Variants in EXT1 observed in about 807,000 individuals in gnomAD.
EXT1 encodes the protein exostosin-1.
A neutral mutation model predicts 82.5 loss-of-function variants in EXT1; 20 were observed. The observed-to-expected ratio is 0.24, with a 90% confidence interval of 0.17 to 0.35. EXT1 has a LOEUF of 0.35. Ranked by LOEUF, EXT1 falls within the 10% of genes least tolerant of loss-of-function variation. The probability of loss-of-function intolerance (pLI) is 1.00; values close to 1 mark genes in which losing one functional copy is unlikely to be tolerated. For synonymous variants in EXT1, 348 were observed against 350.8 expected (o/e 0.99, Z 0.09); for missense variants, 757 against 936.5 (o/e 0.81, Z 2.50).
At chr8:118,008,077 C>G (rs1017217807) in intron 1 of EXT1, among the ~76,000 whole-genome samples, 1 of 152,074 alleles carries the variant, frequency 6.6e-6, no homozygotes, top group Non-Finnish European at 1.5e-5. Flanking sequence ...CACCTCCCAA[C>G]CCCCGACAGG....
At chr8:118,047,155 T>A (rs1816635429) in intron 1 of EXT1, among the ~76,000 whole-genome samples, 2 of 152,046 alleles carry the variant, frequency 1.3e-5, no homozygotes, top group African/African-American at 2.4e-5. Context: ...GCCAACTAAA[T>A]CCAACTCCAG....
chr8:117,946,189 G>A (rs774841940), intron 1 of EXT1, among the ~76,000 whole-genome samples: 3 of 152,130 alleles, frequency 2.0e-5, no homozygotes, highest in Admixed American at 6.6e-5. Flanking sequence ...GTGAGCTACC[G>A]CGCCTGGCCT....
intron 1 of EXT1, among the ~76,000 whole-genome samples, chr8:117,940,944 G>C (rs1814260167): frequency 6.6e-6 from 1 of 152,108 alleles, no homozygotes; most frequent in Non-Finnish European, 1.5e-5. Context: ...GACTGATATG[G>C]GGGTCTCCAT....
In EXT1 at chr8:117,851,290, C is replaced by T. The variant is rs1812447709; in HGVS notation, c.963-14089G>A. ...GATAAAAAGAATAATTCTGAGTGAG[C>T]AGAGAAAGGAAAAGAAAGCTTGAAA... On this transcript the variant is annotated intron_variant, in intron 1 of 10. Transcript: ENST00000378204. Among the ~76,000 whole-genome samples, 8 of 149,920 alleles carry T rather than the reference C, an allele frequency of 5.3e-5. No homozygotes were observed. The Admixed American group carries it at 5.3e-4, about 10-fold the overall frequency.
intron 1 of EXT1, among the ~76,000 whole-genome samples, chr8:117,927,761 G>A (rs1244125390): frequency 6.6e-6 from 1 of 152,174 alleles, no homozygotes; most frequent in Non-Finnish European, 1.5e-5. Flanking sequence ...TGACACTAGA[G>A]CCCTGTCTTC....
intron 1 of EXT1, among the ~76,000 whole-genome samples, chr8:117,895,854 C>T (rs1218809420): frequency 2.0e-5 from 3 of 152,126 alleles, no homozygotes; most frequent in Non-Finnish European, 2.9e-5. Context: ...CTAGTGCCTC[C>T]GTTCGCATCC....
chr8:117,906,382 C>T (rs1813544369), intron 1 of EXT1, among the ~76,000 whole-genome samples: 1 of 152,166 alleles, frequency 6.6e-6, no homozygotes, highest in South Asian at 2.1e-4. Flanking sequence ...AGACTGATGC[C>T]TGTGACAGAC....
At chr8:118,074,610 C>A (rs926285846) in intron 1 of EXT1, among the ~76,000 whole-genome samples, 4 of 149,890 alleles carry the variant, frequency 2.7e-5, no homozygotes, top group Non-Finnish European at 4.4e-5. Flanking sequence ...CGGGTGAGAA[C>A]ATTGAATTGA....
intron 1 of EXT1, among the ~76,000 whole-genome samples, chr8:117,890,913 AATT>A: frequency 6.6e-6 from 1 of 152,280 alleles, no homozygotes; most frequent in Non-Finnish European, 1.5e-5. Flanking sequence ...AATGGAGGGC[AATT>A]ATTTTCTCCT....
intron 1 of EXT1, among the ~76,000 whole-genome samples, chr8:118,074,531 A>AC (rs1817168895): frequency 6.6e-6 from 1 of 150,710 alleles, no homozygotes; most frequent in African/African-American, 2.4e-5. Flanking sequence ...CGCGGCCACC[A>AC]CCTTAGTTGC....
At chr8:117,813,941 G>A (rs867002642) in intron 7 of EXT1, among the ~76,000 whole-genome samples, 3 of 151,958 alleles carry the variant, frequency 2.0e-5, no homozygotes, top group Non-Finnish European at 4.4e-5. Flanking sequence ...GGGAGGCAGA[G>A]GTTACAGTGA....
rs1459832300 is a variant in EXT1, at chr8:117,798,676, G to C, written c.*1036C>G. Reference sequence around the variant, plus strand: ...CTTTGCAGCAATCCTCTTGTTCATTGGTGTGAATTTCTACCTTATTACCCC... The same window carrying C: ...CTTTGCAGCAATCCTCTTGTTCATTCGTGTGAATTTCTACCTTATTACCCC... On this transcript the variant is annotated 3_prime_UTR_variant, in exon 11 of 11. Coordinates refer to ENST00000378204, the MANE Select transcript of EXT1 (RefSeq NM_000127.3). The C allele has an allele frequency of 6.6e-6, 1 of 152,124 alleles. No individual in the cohort carries two copies. 9.4% of individuals were successfully genotyped at this position (152,124 alleles called of 1,614,324 possible).
chr8:117,903,664 T>C (rs1813490886), intron 1 of EXT1, among the ~76,000 whole-genome samples: 1 of 152,228 alleles, frequency 6.6e-6, no homozygotes, highest in African/African-American at 2.4e-5. Flanking sequence ...TTTTCTTCAG[T>C]CTTGCTTGCC....
At chr8:117,965,301 C>A (rs1163342347) in intron 1 of EXT1, among the ~76,000 whole-genome samples, 1 of 152,000 alleles carries the variant, frequency 6.6e-6, no homozygotes, top group Non-Finnish European at 1.5e-5. Context: ...CATCAGTCAG[C>A]AGCAATAGAA....
Position 118,020,815 on chromosome 8 carries a change from TA to T in EXT1, c.962+89269del, listed in dbSNP as rs1311657964. On this transcript the variant is annotated intron_variant, in intron 1 of 10. Coordinates refer to ENST00000378204, the MANE Select transcript of EXT1 (RefSeq NM_000127.3). Reference sequence around the variant, plus strand: ...TCTTTGACCATAGCAACCTTGGCTATAAAACCAAGACAGTAATACCCACCCT... The same window carrying T: ...TCTTTGACCATAGCAACCTTGGCTATAAACCAAGACAGTAATACCCACCCT... Among the ~76,000 whole-genome samples the T allele has an allele frequency of 1.1e-4, 16 of 152,210 alleles. 1 individual carries two copies. The highest frequency in any genetic ancestry group is 1.0e-3 in the Admixed American group (16 of 15,280).
At chr8:117,879,690 C>T (rs979805289) in intron 1 of EXT1, among the ~76,000 whole-genome samples, 1 of 152,180 alleles carries the variant, frequency 6.6e-6, no homozygotes, top group East Asian at 1.9e-4. Context: ...CAAGCAACTA[C>T]AAGAACATGC....
At chr8:118,037,840 T>G (rs1816452257) in intron 1 of EXT1, among the ~76,000 whole-genome samples, 2 of 146,312 alleles carry the variant, frequency 1.4e-5, no homozygotes, top group African/African-American at 5.1e-5. Flanking sequence ...TTTTTTGTTT[T>G]TTTTTTTTTT....
chr8:117,886,503 G>C (rs1813149483), intron 1 of EXT1, among the ~76,000 whole-genome samples: 1 of 152,218 alleles, frequency 6.6e-6, no homozygotes, highest in African/African-American at 2.4e-5. Flanking sequence ...AGACAAAGCA[G>C]TTAGGTTGTT....
At chr8:117,818,337 G>A (rs1287069166) in intron 7 of EXT1, 98 bp downstream of exon 7, 21 of 920,874 alleles carry the variant, frequency 2.3e-5, no homozygotes, top group Non-Finnish European at 3.6e-6. Flanking sequence ...AATAATCCAG[G>A]AACAGGGAGA....
Sources: gnomAD v4.1 joint callset for allele counts (sites outside exome capture counted in the v4.1 genomes callset) on GRCh38, gnomAD v4.1.1 for gene constraint, MANE v1.5 for transcripts, NCBI Gene and HGNC (gene_info 2026-07-23, HGNC 2026-07-21) for gene names.